The following ALDH1A2 variants were observed in gnomAD, a reference collection of about 807,000 sequenced individuals.
ALDH1A2 encodes aldehyde dehydrogenase 1 family member A2.
ALDH1A2 carries 27 observed loss-of-function variants against 60.3 expected under a neutral mutation model. The ratio of observed to expected loss-of-function variants is 0.45; its 90% CI spans 0.33 to 0.62. The LOEUF (loss-of-function observed/expected upper bound fraction) is 0.62, where lower values mean the gene tolerates loss of function less well. Among genes scored for constraint, ALDH1A2 ranks in the 20% least tolerant of loss-of-function variants. The pLI is 0.02. For synonymous variants in ALDH1A2, 289 were observed against 232.4 expected, an observed-to-expected ratio of 1.24 and a Z score of -2.21; for missense variants, 581 against 643.8, an observed-to-expected ratio of 0.90 and a Z score of 1.06.
At chr15:58,056,021 T>G (rs1282730790) in intron 1 of ALDH1A2, among the ~76,000 whole-genome samples, 1 of 152,150 alleles carries the variant, frequency 6.6e-6, no homozygotes, top group Non-Finnish European at 1.5e-5. Context: ...GAGTGTTGTA[T>G]GTGTGTGAGA....
intron 12 of ALDH1A2, among the ~76,000 whole-genome samples, chr15:57,959,411 T>A (rs558976382): frequency 6.6e-6 from 1 of 152,198 alleles, no homozygotes; most frequent in Admixed American, 6.5e-5. Flanking sequence ...TGAACAAATA[T>A]GACCCAGATT....
At chr15:57,989,962 C>T (rs575394215) in intron 7 of ALDH1A2, among the ~76,000 whole-genome samples, 3 of 53,776 alleles carry the variant, frequency 5.6e-5, no homozygotes, top group South Asian at 7.3e-4. Flanking sequence ...CACTGCAGTC[C>T]GCAGTCCAGC....
chr15:58,058,803 T>C (rs185601921), intron 1 of ALDH1A2, among the ~76,000 whole-genome samples: 1 of 152,164 alleles, frequency 6.6e-6, no homozygotes. Context: ...AGAGCTGAAC[T>C]GGAGTAAAAG....
chr15:57,961,771 T>C (rs1161737715), intron 10 of ALDH1A2, among the ~76,000 whole-genome samples: 1 of 151,732 alleles, frequency 6.6e-6, no homozygotes, highest in African/African-American at 2.4e-5. Context: ...CTATTCTGAT[T>C]GTTCTGTTGG....
intron 7 of ALDH1A2, among the ~76,000 whole-genome samples, chr15:57,981,827 C>G (rs534171151): frequency 6.6e-6 from 1 of 152,320 alleles, no homozygotes; most frequent in African/African-American, 2.4e-5. Flanking sequence ...TCTAGATATA[C>G]TAGCTTTTCT....
intron 4 of ALDH1A2, among the ~76,000 whole-genome samples, chr15:58,009,426 T>C (rs1026401554): frequency 6.6e-6 from 1 of 151,790 alleles, no homozygotes; most frequent in East Asian, 1.9e-4. Flanking sequence ...CTCCCTTTTT[T>C]AGTAAATCAG....
intron 12 of ALDH1A2, 143 bp from the exon 13 acceptor site, chr15:57,955,412 G>A (rs758152876): frequency 4.0e-5 from 32 of 803,694 alleles, no homozygotes; most frequent in Admixed American, 5.8e-5. Flanking sequence ...TCACGTATGC[G>A]CAGCCCAGCC....
intron 1 of ALDH1A2, among the ~76,000 whole-genome samples, chr15:58,063,330 T>G (rs751973529): frequency 6.6e-5 from 10 of 152,232 alleles, no homozygotes; most frequent in Non-Finnish European, 1.0e-4. Context: ...GTAATACTTT[T>G]GTAGCCATTA....
chr15:57,993,224 T>G (rs1400254369), intron 5 of ALDH1A2, 151 bp from the exon 6 acceptor site: 2 of 989,492 alleles, frequency 2.0e-6, no homozygotes, highest in Non-Finnish European at 3.0e-6. Flanking sequence ...AATTACTTCA[T>G]TAAGAATAGA....
At chr15:57,981,780 T>C (rs757464124) in intron 7 of ALDH1A2, among the ~76,000 whole-genome samples, 1 of 152,236 alleles carries the variant, frequency 6.6e-6, no homozygotes, top group Non-Finnish European at 1.5e-5. Context: ...TAATATTTAC[T>C]GACACTTTAC....
intron 1 of ALDH1A2, among the ~76,000 whole-genome samples, chr15:58,041,708 A>G (rs1298412058): frequency 2.0e-5 from 3 of 151,916 alleles, no homozygotes; most frequent in African/African-American, 7.2e-5. Flanking sequence ...CTCATCTCCT[A>G]ATACTATCAC....
At chr15:58,001,677 T>C (rs1895277830) in intron 4 of ALDH1A2, among the ~76,000 whole-genome samples, 1 of 152,080 alleles carries the variant, frequency 6.6e-6, no homozygotes, top group African/African-American at 2.4e-5. Context: ...CAGGATGACT[T>C]AGAAGGTTGT....
intron 1 of ALDH1A2, among the ~76,000 whole-genome samples, chr15:58,016,263 C>A (rs1159697809): frequency 6.6e-6 from 1 of 151,960 alleles, no homozygotes; most frequent in African/African-American, 2.4e-5. Flanking sequence ...GCTGCCTCAG[C>A]CTCCCGAGTA....
At position 57,964,035 on chromosome 15, in the gene ALDH1A2, C is replaced by CACAATCAAGA; in HGVS notation, c.935_936insTCTTGATTGT (p.Phe313LeufsTer25). ...TGCAGCACTGACCTTGATTGAAGAA[C>CACAATCAAGA]ACACCCTGGTGGGCCTGCTCCACAG... is the stretch of plus-strand genomic sequence containing the variant. On this transcript the variant is annotated frameshift_variant, in exon 9 of 13. Coordinates refer to ENST00000249750, the MANE Select transcript of ALDH1A2 (RefSeq NM_003888.4). LOFTEE classifies it high-confidence loss of function. 1 of 1,614,144 alleles carries CACAATCAAGA rather than the reference C, an allele frequency of 6.2e-7. No homozygotes were observed. Among genetic ancestry groups the CACAATCAAGA allele is most frequent in the Non-Finnish European group, 8.5e-7 (1 of 1,180,012 alleles).
At chr15:58,046,863 A>G (rs1440786175) in intron 1 of ALDH1A2, among the ~76,000 whole-genome samples, 4 of 152,030 alleles carry the variant, frequency 2.6e-5, no homozygotes, top group Non-Finnish European at 5.9e-5. Flanking sequence ...TGGGGCTGGG[A>G]TAAGGAATTA....
chr15:58,064,761 A>C lies in ALDH1A2; in HGVS notation c.117+773T>G, dbSNP rs139743202. ...TTTCTATGTCGAATTTGTGGAAAGTAAATTCATTTTATATTAGGTAGCAGA... is the reference window on the plus strand; with the variant it reads ...TTTCTATGTCGAATTTGTGGAAAGTCAATTCATTTTATATTAGGTAGCAGA... On this transcript the variant is annotated intron_variant, in intron 1 of 12. Coordinates refer to ENST00000249750, the MANE Select transcript of ALDH1A2 (RefSeq NM_003888.4). Among the ~76,000 whole-genome samples, 368 of 152,318 alleles carry C rather than the reference A, an allele frequency of 2.4e-3. 3 individuals carry two copies. Among genetic ancestry groups the C allele is most frequent in the African/African-American group, 8.6e-3 (359 of 41,554 alleles).
chr15:57,955,366 G>A (rs578148700), intron 12 of ALDH1A2, 97 bp from the exon 13 acceptor site: 280 of 1,180,634 alleles, frequency 2.4e-4, no homozygotes, highest in East Asian at 5.1e-4. Context: ...TATCACCTGC[G>A]AACAGCAAGT....
chr15:57,978,199 G>C (rs923839265), intron 7 of ALDH1A2, among the ~76,000 whole-genome samples: 3 of 152,170 alleles, frequency 2.0e-5, no homozygotes, highest in Admixed American at 1.3e-4. Context: ...TCTTTTGCCT[G>C]ATTGCCCTGA....
intron 11 of ALDH1A2, 139 bp from the exon 12 acceptor site, chr15:57,960,983 G>T: frequency 7.5e-7 from 1 of 1,328,240 alleles, no homozygotes; most frequent in Non-Finnish European, 1.0e-6. Context: ...AATCTACTTT[G>T]ATTTCTGGAT....
Sources: allele counts gnomAD v4.1 joint callset (sites outside exome capture counted in the v4.1 genomes callset), GRCh38; gene constraint gnomAD v4.1.1; transcripts MANE v1.5; gene names NCBI Gene and HGNC (gene_info 2026-07-23, HGNC 2026-07-21).